The following SLC7A8 variants were observed in gnomAD, a reference collection of about 807,000 sequenced individuals.
SLC7A8 encodes the protein solute carrier family 7 member 8.
A neutral mutation model predicts 51.2 loss-of-function variants in SLC7A8; 30 were observed. The observed-to-expected ratio is 0.59, with a 90% CI of 0.44 to 0.80. SLC7A8 has a LOEUF of 0.80. SLC7A8 is among the 30% of genes least tolerant of loss of function. SLC7A8 has a pLI of 0.00. For synonymous variants in SLC7A8, 257 were observed against 275.8 expected (o/e 0.93, Z 0.67); for missense variants, 612 against 674.4 (o/e 0.91, Z 1.03).
At chr14:23,144,506 A>G (rs1426171954) in intron 3 of SLC7A8, among the ~76,000 whole-genome samples, 1 of 152,132 alleles carries the variant, frequency 6.6e-6, no homozygotes, top group Non-Finnish European at 1.5e-5. Flanking sequence ...GTAATTCTCT[A>G]CAAAAAATTT....
rs986287245 is a variant in SLC7A8, at chr14:23,156,727, A to G, written c.508+8558T>C. 2.6e-5 allele frequency among the ~76,000 whole-genome samples: 4 copies of G among 152,322 alleles called. No homozygotes were observed. The East Asian group carries it at 7.7e-4, about 29-fold the overall frequency. ...CTCTACCACACCTGGTGGAAGCTGA[A>G]CTCCAAAACAGTTTCCTGTTTCAGG... On this transcript the variant is annotated intron_variant, in intron 3 of 10. Coordinates refer to ENST00000316902, the MANE Select transcript of SLC7A8 (RefSeq NM_012244.4).
chr14:23,151,756 A>G (rs2048849233), intron 3 of SLC7A8, among the ~76,000 whole-genome samples: 1 of 151,310 alleles, frequency 6.6e-6, no homozygotes, highest in Non-Finnish European at 1.5e-5. Flanking sequence ...TCTTAAAAAA[A>G]AAAAAAAAAA....
At position 23,128,711 on chromosome 14, in the gene SLC7A8, C is replaced by T. The variant is rs1476425418; in HGVS notation, c.1264-515G>A. Among the ~76,000 whole-genome samples, 1 of 152,220 alleles carries T rather than the reference C, an allele frequency of 6.6e-6. No homozygotes were observed. Among genetic ancestry groups the T allele is most frequent in the Non-Finnish European group, 1.5e-5 (1 of 68,040 alleles). On this transcript the variant is annotated intron_variant, in intron 9 of 10. Coordinates refer to ENST00000316902, the MANE Select transcript of SLC7A8 (RefSeq NM_012244.4). This position sits in a 1 kb window ranked among gnomAD's most constrained non-coding sequence, Gnocchi z 4.3. ...ATGGCAAATGTCAGCTCCTTATGGG[C>T]CACATGTGGGGAGTTCCTGAGAGTA...
chr14:23,175,291 C>G (rs1038354199), intron 1 of SLC7A8, among the ~76,000 whole-genome samples: 1 of 152,196 alleles, frequency 6.6e-6, no homozygotes, highest in Non-Finnish European at 1.5e-5. Flanking sequence ...TCACTGCAAC[C>G]TCCATCTCCT....
chr14:23,139,951 G>A (rs1483050488), intron 5 of SLC7A8, among the ~76,000 whole-genome samples: 2 of 152,186 alleles, frequency 1.3e-5, no homozygotes, highest in Non-Finnish European at 2.9e-5. Flanking sequence ...AGGCTGCAGT[G>A]AGCTATGACT....
chr14:23,139,275 G>T, intron 6 of SLC7A8, 149 bp downstream of exon 6: 1 of 1,233,476 alleles, frequency 8.1e-7, no homozygotes, highest in Non-Finnish European at 1.2e-6. Context: ...AGATACCCCA[G>T]CCAATGACAT....
intron 1 of SLC7A8, among the ~76,000 whole-genome samples, chr14:23,171,022 C>T (rs2140338045): frequency 6.6e-6 from 1 of 152,238 alleles, no homozygotes; most frequent in East Asian, 1.9e-4. Flanking sequence ...AGCCATCCTG[C>T]CCGGCCAACA....
chr14:23,163,181 G>A (rs2048932768), intron 3 of SLC7A8, among the ~76,000 whole-genome samples: 1 of 152,124 alleles, frequency 6.6e-6, no homozygotes, highest in Admixed American at 6.5e-5. Flanking sequence ...ATATGACTGG[G>A]GTGCTGGGTG....
rs2048605204 is a variant in SLC7A8 at position 23,128,840 on chromosome 14, C to T, written c.1264-644G>A. ...GTGGTGGGGACATGGGGTTATTCTA[C>T]CTCCTCTTCCCTCTAGCAGATTTTC... On this transcript the variant is annotated intron_variant, in intron 9 of 10. Transcript: ENST00000316902. This position sits in a 1 kb window ranked among gnomAD's most constrained non-coding sequence, Gnocchi z 4.3. Among the ~76,000 whole-genome samples the T allele has an allele frequency of 6.6e-6, 1 of 152,188 alleles. No individual in the cohort carries two copies. The highest frequency in any genetic ancestry group is 2.1e-4 in the South Asian group (1 of 4,836).
chr14:23,151,870 C>A (rs534733725), intron 3 of SLC7A8, among the ~76,000 whole-genome samples: 1 of 151,838 alleles, frequency 6.6e-6, no homozygotes, highest in Non-Finnish European at 1.5e-5. Flanking sequence ...TTAAGACCAG[C>A]CTGGCCAATA....
At chr14:23,147,042 AT>A (rs2048801144) in intron 3 of SLC7A8, 1 of 150,558 alleles carries the variant, frequency 6.6e-6, no homozygotes, top group South Asian at 2.1e-4. Flanking sequence ...GATGAGGATC[AT>A]TGGCCATAGC....
Position 23,128,441 on chromosome 14 carries a change from T to A in SLC7A8, c.1264-245A>T. Reference sequence around the variant, plus strand: ...GGAGGAGTTAGGGAGGAAACGATCCTCCTTGCCCATGTCCTCGCTCTTGGG... The same window carrying A: ...GGAGGAGTTAGGGAGGAAACGATCCACCTTGCCCATGTCCTCGCTCTTGGG... On this transcript the variant is annotated intron_variant, in intron 9 of 10. Transcript: ENST00000316902. The surrounding 1 kb of genome is among the most constrained non-coding windows in gnomAD (Gnocchi z 4.3). 1 of 1,352,632 alleles carries A rather than the reference T, an allele frequency of 7.4e-7. No homozygotes were observed. The highest frequency in any genetic ancestry group is 1.3e-5 in the South Asian group (1 of 79,878). 83.8% of individuals were successfully genotyped at this position (1,352,632 alleles called of 1,614,324 possible).
chr14:23,128,109 T>A lies in SLC7A8; in HGVS notation c.1351A>T (p.Ile451Phe), dbSNP rs761086444. The stretch of plus-strand genomic sequence containing the variant: ...CCTGTCAGCATGATGGCCAGGCCAA[T>A]GCCACACACCACCGGCTCTGACCAC... ...SLWSEPVVCG[I>F]GLAIMLTGVP... The change falls in exon 10 of 11, where the codon ATT becomes TTT. Residue 451 changes from isoleucine (I) to phenylalanine (F), a missense_variant. Physicochemically the swap from Ile to Phe is conservative, Grantham distance 21 (BLOSUM62 0). Transcript: ENST00000316902. This position sits in a 1 kb window ranked among gnomAD's most constrained non-coding sequence, Gnocchi z 4.3. The A allele has an allele frequency of 1.2e-6, 2 of 1,614,000 alleles. No homozygotes were observed. Among genetic ancestry groups the A allele is most frequent in the African/African-American group, 2.7e-5 (2 of 74,900 alleles).
At chr14:23,141,623 T>C (rs2048746311) in intron 4 of SLC7A8, among the ~76,000 whole-genome samples, 1 of 152,146 alleles carries the variant, frequency 6.6e-6, no homozygotes, top group African/African-American at 2.4e-5. Flanking sequence ...CTAATTTTTT[T>C]TTGTATTTTT....
chr14:23,136,774 C>G (rs933904829), intron 7 of SLC7A8, among the ~76,000 whole-genome samples: 1 of 152,220 alleles, frequency 6.6e-6, no homozygotes, highest in Non-Finnish European at 1.5e-5. Flanking sequence ...TGTAGCCAGT[C>G]ACTCTCCTCC....
At chr14:23,153,229 C>T (rs141577034) in intron 3 of SLC7A8, among the ~76,000 whole-genome samples, 5 of 152,136 alleles carry the variant, frequency 3.3e-5, no homozygotes, top group Non-Finnish European at 7.3e-5. Flanking sequence ...CTGCCTGACT[C>T]GGCTTCCCAA....
intron 1 of SLC7A8, among the ~76,000 whole-genome samples, chr14:23,174,660 G>A (rs551631112): frequency 6.6e-6 from 1 of 152,366 alleles, no homozygotes; most frequent in African/African-American, 2.4e-5. Context: ...TGTGCTCGGT[G>A]AGTGTTTGTT....
intron 1 of SLC7A8, among the ~76,000 whole-genome samples, chr14:23,182,318 A>G (rs1046054998): frequency 6.6e-6 from 1 of 152,226 alleles, no homozygotes; most frequent in African/African-American, 2.4e-5. Context: ...CCTATCCCAT[A>G]GTTTCATTTA....
rs906162953 is a variant in SLC7A8 at position 23,139,453 on chromosome 14, C to A, written c.883G>T (p.Glu295Ter). The A allele has an allele frequency of 6.2e-7, 1 of 1,614,116 alleles. No homozygotes were observed. The highest frequency in any genetic ancestry group is 8.5e-7 in the Non-Finnish European group (1 of 1,179,992). The change falls in exon 6 of 11, where the codon GAG becomes TAG. Residue 295 changes from glutamate to a stop codon, truncating the protein, a stop_gained. Transcript: ENST00000316902. LOFTEE classifies it high-confidence loss of function. Reference sequence around the variant, plus strand: ...GCGACGGCGTTGGATGCCAGCAGCTCCTGGGGGGACATTGCAGTGACATAA... The same window carrying A: ...GCGACGGCGTTGGATGCCAGCAGCTACTGGGGGGACATTGCAGTGACATAA... The part of the protein sequence containing the change: ...VAYVTAMSPQ[E>*]LLASNAVAVT...
Sources: allele counts gnomAD v4.1 joint callset (sites outside exome capture counted in the v4.1 genomes callset), GRCh38; gene constraint gnomAD v4.1.1; non-coding constraint Gnocchi (gnomAD v3.1); transcripts MANE v1.5; gene names NCBI Gene and HGNC (gene_info 2026-07-23, HGNC 2026-07-21).